ATG9B: variants seen among roughly 807,000 people sequenced by gnomAD.
ATG9B encodes autophagy-related protein 9B.
In ATG9B, 92 loss-of-function variants were observed where a neutral mutation model predicts 92.9. The observed-to-expected ratio is 0.99, with a 90% confidence interval of 0.84 to 1.18. The LOEUF (loss-of-function observed/expected upper bound fraction) is 1.18. Ranked by LOEUF, ATG9B falls within the 50% of genes most tolerant of loss-of-function variation. The pLI, the probability that ATG9B is intolerant of heterozygous loss-of-function variation, is 0.00. For missense variants in ATG9B, 1,344 were observed against 1,235.0 expected, an observed-to-expected ratio of 1.09 and a Z score of -1.32; for synonymous variants, 599 against 551.4, an observed-to-expected ratio of 1.09 and a Z score of -1.21.
Position 151,018,337 on chromosome 7 carries a change from T to C in ATG9B, c.1829A>G (p.Asp610Gly). 6.3e-7 allele frequency: 1 copy of C among 1,593,392 alleles called. No homozygotes were observed. Among genetic ancestry groups the C allele is most frequent in the Non-Finnish European group, 8.5e-7 (1 of 1,172,928 alleles). ...CTGCGCCATCTGCCGGTAGGCGCGGTCCCTGCCGCCGGGGCCGGGCTCCTC... is the reference window on the plus strand; with the variant it reads ...CTGCGCCATCTGCCGGTAGGCGCGGCCCCTGCCGCCGGGGCCGGGCTCCTC... Reference protein sequence around the residue: ...LPEEPGPGGRDRAYRQMAQLL... With the variant: ...LPEEPGPGGRGRAYRQMAQLL... Residue 610 changes from aspartate (D) to glycine (G), a missense_variant, in exon 7 of 14, where the codon GAC becomes GGC. By Grantham distance (94) the Asp-to-Gly change is moderately conservative. Coordinates refer to ENST00000639579, the MANE Select transcript of ATG9B (RefSeq NM_001317056.2). This position sits in a 1 kb window ranked among gnomAD's most constrained non-coding sequence, Gnocchi z 4.7.
At position 151,018,510 on chromosome 7, in the gene ATG9B, G is replaced by A; in HGVS notation, c.1719-63C>T. 8 of 1,521,194 alleles carry A rather than the reference G, an allele frequency of 5.3e-6. No homozygotes were observed. Among genetic ancestry groups the A allele is most frequent in the Non-Finnish European group, 7.0e-6 (8 of 1,136,694 alleles). The allele number at this position is 1,521,194 out of a possible 1,614,324, so 94.2% of individuals were successfully genotyped here. A position where few individuals can be genotyped will look rare whatever the true frequency, so the allele number is the denominator to read the frequency against. The stretch of plus-strand genomic sequence containing the variant: ...TTAGGAGGACGCGCGGTGGGATGTA[G>A]GGCTAGAGGGCCCCAGTGGTGGGAG... On this transcript the variant is annotated intron_variant, in intron 6 of 13. Transcript: ENST00000639579. This position sits in a 1 kb window ranked among gnomAD's most constrained non-coding sequence, Gnocchi z 4.7.
rs545139907 is a variant in ATG9B, at chr7:151,024,399, C to G, written c.25G>C (p.Gly9Arg). 1.2e-3 allele frequency: 1,598 copies of G among 1,372,624 alleles called. 3 individuals carry two copies. The highest frequency in any genetic ancestry group is 1.3e-3 in the Non-Finnish European group (1,390 of 1,058,270). The allele number at this position is 1,372,624 out of a possible 1,614,324, so 85.0% of individuals were successfully genotyped here. A position where few individuals can be genotyped will look rare whatever the true frequency, so the allele number is the denominator to read the frequency against. The part of the protein sequence containing the change: MVSRMGWG[G>R]RRRRLGRWGD... Reference sequence around the variant, plus strand: ...CACCGCCCCAGCCGCCTTCTTCTCCCCCCCCAGCCCATTCGGCTCACCATC... The same window carrying G: ...CACCGCCCCAGCCGCCTTCTTCTCCGCCCCCAGCCCATTCGGCTCACCATC... The change falls in exon 1 of 14, where the codon GGG (glycine) becomes CGG (arginine). Residue 9 changes from glycine to arginine, a missense_variant. Coordinates refer to ENST00000639579, the MANE Select transcript of ATG9B (RefSeq NM_001317056.2).
chr7:151,018,728 G>A lies in ATG9B; in HGVS notation c.1610C>T (p.Ala537Val). The change falls in exon 6 of 14, where the codon GCA becomes GTA. Residue 537 changes from alanine (A) to valine (V), a missense_variant. Physicochemically the swap from Ala to Val is moderately conservative, Grantham distance 64. Transcript: ENST00000639579. This position sits in a 1 kb window ranked among gnomAD's most constrained non-coding sequence, Gnocchi z 4.7. ...LARQLVFFAG[A>V]LFAALLVLTV... ...GAGCACAAGCAGCGCGGCGAAGAGTGCACCCGCGAAGAAAACGAGCTGGCG... is the reference window on the plus strand; with the variant it reads ...GAGCACAAGCAGCGCGGCGAAGAGTACACCCGCGAAGAAAACGAGCTGGCG... The A allele has an allele frequency of 6.3e-7, 1 of 1,591,784 alleles. No homozygotes were observed.
At position 151,021,172 on chromosome 7, in the gene ATG9B, C is replaced by T. The variant is rs941804247; in HGVS notation, c.963+16G>A. ...TCTCACGGCACCCTCTGCACAGACA[C>T]AGCCACCCAGCTCACCGGGGGGATG... On this transcript the variant is annotated intron_variant, in intron 5 of 13. Transcript: ENST00000639579. The T allele has an allele frequency of 6.2e-7, 1 of 1,613,008 alleles. No homozygotes were observed. Among genetic ancestry groups the T allele is most frequent in the African/African-American group, 1.3e-5 (1 of 75,010 alleles).
downstream of ATG9B, chr7:151,013,646 C>T (rs1007444947): frequency 1.2e-5 from 16 of 1,349,184 alleles, no homozygotes; most frequent in Non-Finnish European, 1.6e-5. Flanking sequence ...CTTTCACGTC[C>T]AGGGCCAGCC....
At chr7:151,022,859 A>C (rs945038366) in intron 4 of ATG9B, among the ~76,000 whole-genome samples, 186 bp downstream of exon 4, 1 of 151,680 alleles carries the variant, frequency 6.6e-6, no homozygotes, top group African/African-American at 2.4e-5. Flanking sequence ...AGATATACTT[A>C]ATACACTTTA....
intron 11 of ATG9B, 27 bp from the exon 12 acceptor site, chr7:151,016,262 G>A (rs779465284): frequency 6.1e-6 from 9 of 1,480,638 alleles, no homozygotes; most frequent in African/African-American, 1.4e-5. Context: ...AGGAATGAGG[G>A]CTGCACCCCA....
Position 151,015,797 on chromosome 7 carries a change from C to T in ATG9B, c.*15-84G>A. The T allele has an allele frequency of 4.1e-6, 6 of 1,467,382 alleles. No individual in the cohort carries two copies. The South Asian group carries it at 8.4e-5, about 21-fold the overall frequency. The allele number at this position is 1,467,382 out of a possible 1,614,324, so 90.9% of individuals were successfully genotyped here. On this transcript the variant is annotated intron_variant, in intron 13 of 13. Transcript: ENST00000639579. ...ACCTCCCATCACCCCAAATTCCCAC[C>T]ACTGCTCCCATCGCTTCAAGTCGGA...
At position 151,016,471 on chromosome 7, in the gene ATG9B, G is replaced by A. The variant is rs1393986539; in HGVS notation, c.2480C>T (p.Ala827Val). The A allele has an allele frequency of 3.2e-6, 5 of 1,551,382 alleles. No homozygotes were observed. In the Admixed American group the frequency reaches 7.8e-5, roughly 24 times the overall value. The change falls in exon 11 of 14, where the codon GCT becomes GTT. Residue 827 changes from alanine to valine, a missense_variant. By Grantham distance (64) the Ala-to-Val change is moderately conservative. Coordinates refer to ENST00000639579, the MANE Select transcript of ATG9B (RefSeq NM_001317056.2). ...GACATGGAGACTCATCTCGGCAGAAGCAAGTTCTGGGAGCTGGGCCAGCTT... is the reference window on the plus strand; with the variant it reads ...GACATGGAGACTCATCTCGGCAGAAACAAGTTCTGGGAGCTGGGCCAGCTT... ...GQKLAQLPEL[A>V]SAEMSLHVIY...
chr7:151,018,906 C>T lies in ATG9B; in HGVS notation c.1432G>A (p.Ala478Thr), dbSNP rs1401413953. The change falls in exon 6 of 14, where the codon GCG becomes ACG. Residue 478 changes from alanine to threonine, a missense_variant. Ala to Thr is a moderately conservative substitution (Grantham distance 58). Transcript: ENST00000639579. The surrounding 1 kb of genome is among the most constrained non-coding windows in gnomAD (Gnocchi z 4.7). The part of the protein sequence containing the change: ...LLRREPGALG[A>T]RGWSRLARLQ... ...CGCGCCAGGCGGGACCAGCCGCGCG[C>T]CCCCAGCGCGCCAGGCTCGCGCCGC... 6.1e-6 allele frequency: 9 copies of T among 1,485,632 alleles called. No individual in the cohort carries two copies. Among genetic ancestry groups the T allele is most frequent in the South Asian group, 1.3e-5 (1 of 77,296 alleles). 92.0% of individuals were successfully genotyped at this position (1,485,632 alleles called of 1,614,324 possible).
chr7:151,014,518 A>T (rs1203334708), downstream of ATG9B: 7 of 261,582 alleles, frequency 2.7e-5, no homozygotes, highest in Non-Finnish European at 5.1e-5. Flanking sequence ...TCAAGTATTT[A>T]TTATTGAAGA....
At chr7:151,013,986 C>T (rs774553313), downstream of ATG9B, 1 of 1,608,884 alleles carries the variant, frequency 6.2e-7, no homozygotes, top group Non-Finnish European at 8.5e-7. Flanking sequence ...GGGTTCTGAT[C>T]CACTGTGCTC....
chr7:151,013,658 G>A, downstream of ATG9B: 2 of 1,382,782 alleles, frequency 1.4e-6, no homozygotes, highest in South Asian at 1.4e-5. Context: ...GGGCCAGCCA[G>A]CAGCCCCGGG....
Position 151,019,269 on chromosome 7 carries a change from T to G in ATG9B, c.1069A>C (p.Ile357Leu), listed in dbSNP as rs757959127. ...VQPRPLTELD[I>L]HHRILRYTNY... The stretch of plus-strand genomic sequence containing the variant: ...GTGTAGCGCAGGATGCGGTGGTGGA[T>G]GTCCAGCTCCGTCAGGGGCCGCGGC... Residue 357 changes from isoleucine (I) to leucine (L), a missense_variant, in exon 6 of 14, where the codon ATC becomes CTC. By Grantham distance (5) the Ile-to-Leu change is conservative (BLOSUM62 2). Coordinates refer to ENST00000639579, the MANE Select transcript of ATG9B (RefSeq NM_001317056.2). 3.8e-6 allele frequency: 6 copies of G among 1,582,100 alleles called. No homozygotes were observed. The highest frequency in any genetic ancestry group is 5.1e-6 in the Non-Finnish European group (6 of 1,171,512).
chr7:151,020,867 A>C, intron 5 of ATG9B: 1 of 252,536 alleles, frequency 4.0e-6, no homozygotes, highest in Admixed American at 5.1e-5. Context: ...AGCCCAACCC[A>C]AATTCCTCCA....
intron 4 of ATG9B, 124 bp from the exon 5 acceptor site, chr7:151,021,453 A>C: frequency 7.4e-7 from 1 of 1,359,304 alleles, no homozygotes; most frequent in Non-Finnish European, 9.7e-7. Context: ...GCAGCTCTCA[A>C]GGTAGAGCCC....
In ATG9B at chr7:151,024,060, G is replaced by T. The variant is rs772744316; in HGVS notation, c.364C>A (p.Leu122Met). ...PSWGSHSTPP[L>M]APATPTPSQQ... is the part of the protein sequence containing the mutation. ...GAGGGAGTGGGGGTTGCCGGGGCCAGGGGTGGGGTGGAGTGGGATCCCCAG... is the reference window on the plus strand; with the variant it reads ...GAGGGAGTGGGGGTTGCCGGGGCCATGGGTGGGGTGGAGTGGGATCCCCAG... Residue 122 changes from leucine (L) to methionine (M), a missense_variant, in exon 1 of 14, where the codon CTG becomes ATG. Leu to Met is a conservative substitution (Grantham distance 15). Coordinates refer to ENST00000639579, the MANE Select transcript of ATG9B (RefSeq NM_001317056.2). 1.3e-6 allele frequency: 2 copies of T among 1,593,312 alleles called. No individual in the cohort carries two copies. Among genetic ancestry groups the T allele is most frequent in the East Asian group, 2.3e-5 (1 of 44,154 alleles).
intron 5 of ATG9B, 56 bp downstream of exon 5, chr7:151,021,132 C>T: frequency 6.3e-7 from 1 of 1,597,378 alleles, no homozygotes. Flanking sequence ...TTCTTCCCCT[C>T]TCCTCTGCCC....
downstream of ATG9B, chr7:151,013,396 G>T (rs976375458): frequency 2.5e-6 from 4 of 1,604,492 alleles, no homozygotes; most frequent in Non-Finnish European, 3.4e-6. Flanking sequence ...GACCCTGAGG[G>T]CGCAATGGTA....
Sources: gnomAD v4.1 joint callset for allele counts (sites outside exome capture counted in the v4.1 genomes callset) on GRCh38, gnomAD v4.1.1 for gene constraint, Gnocchi (gnomAD v3.1) non-coding constraint, MANE v1.5 for transcripts, NCBI Gene and HGNC (gene_info 2026-07-23, HGNC 2026-07-21) for gene names.